Variants in ERBB4 observed in about 807,000 individuals in gnomAD.
The protein encoded by ERBB4 is receptor tyrosine-protein kinase erbB-4.
In ERBB4, 42 loss-of-function variants were observed where a neutral mutation model predicts 158.0. The observed-to-expected ratio is 0.27, with a 90% CI of 0.21 to 0.34. The LOEUF is 0.34. Ranked by LOEUF, ERBB4 falls within the 10% of genes least tolerant of loss-of-function variation. The pLI is 1.00. For synonymous variants in ERBB4, 583 were observed against 558.7 expected, an observed-to-expected ratio of 1.04 and a Z score of -0.61; for missense variants, 1,333 against 1,624.1, an observed-to-expected ratio of 0.82 and a Z score of 3.08.
At chr2:211,397,032 C>T (rs1316955823) in intron 25 of ERBB4, among the ~76,000 whole-genome samples, 2 of 152,156 alleles carry the variant, frequency 1.3e-5, no homozygotes, top group Non-Finnish European at 2.9e-5. Flanking sequence ...ACTGTCCCAT[C>T]AGCCCAGAGC....
chr2:212,508,026 C>T (rs1364754751), intron 1 of ERBB4, among the ~76,000 whole-genome samples: 1 of 152,154 alleles, frequency 6.6e-6, no homozygotes, highest in African/African-American at 2.4e-5. Context: ...CTTCAGCAAC[C>T]ACCACCCTGA....
At chr2:211,911,912 C>A (rs1479395949) in intron 3 of ERBB4, among the ~76,000 whole-genome samples, 2 of 150,444 alleles carry the variant, frequency 1.3e-5, no homozygotes, top group Non-Finnish European at 2.9e-5. Context: ...ACAGTGACAA[C>A]CAAAATGAGT....
chr2:212,345,536 A>C (rs2088956050), intron 1 of ERBB4, among the ~76,000 whole-genome samples: 1 of 152,082 alleles, frequency 6.6e-6, no homozygotes, highest in Non-Finnish European at 1.5e-5. Flanking sequence ...AACTACCTAG[A>C]CTTTAGCTAA....
At chr2:212,529,824 T>C (rs1692653243) in intron 1 of ERBB4, among the ~76,000 whole-genome samples, 1 of 152,110 alleles carries the variant, frequency 6.6e-6, no homozygotes. Flanking sequence ...ACGTATAATT[T>C]AAAGTAAAAC....
At chr2:212,435,246 G>C (rs963363121) in intron 1 of ERBB4, among the ~76,000 whole-genome samples, 1 of 151,904 alleles carries the variant, frequency 6.6e-6, no homozygotes, top group African/African-American at 2.4e-5. Flanking sequence ...ATCCCCAGGA[G>C]AAACCTTCTC....
chr2:212,519,832 TAAAG>T (rs1692053678), intron 1 of ERBB4, among the ~76,000 whole-genome samples: 1 of 151,842 alleles, frequency 6.6e-6, no homozygotes, highest in Non-Finnish European at 1.5e-5. Flanking sequence ...TAGATAGGAA[TAAAG>T]TTCTAGTGTT....
chr2:212,161,393 TA>T (rs2081198254), intron 1 of ERBB4, among the ~76,000 whole-genome samples: 2 of 151,924 alleles, frequency 1.3e-5, no homozygotes, highest in Admixed American at 1.3e-4. Flanking sequence ...TAGACATGAG[TA>T]GCTACCTTGT....
intron 1 of ERBB4, among the ~76,000 whole-genome samples, chr2:212,128,967 G>C (rs1303608370): frequency 6.6e-6 from 1 of 151,888 alleles, no homozygotes; most frequent in Non-Finnish European, 1.5e-5. Flanking sequence ...ATTGCTCCCA[G>C]TAAATTTATA....
At chr2:212,106,587 C>T (rs987345803) in intron 2 of ERBB4, among the ~76,000 whole-genome samples, 5 of 152,232 alleles carry the variant, frequency 3.3e-5, no homozygotes, top group Non-Finnish European at 7.3e-5. Flanking sequence ...TCCAAGCCAG[C>T]TGCAAAAATC....
In ERBB4 at chr2:211,863,071, C is replaced by T. The variant is rs2078106875; in HGVS notation, c.422-74912G>A. ...CATCACTCTGTAAAAACGCACCAATCAGCACTCTGTGTCTAGCTAAAGGAT... is the reference window on the plus strand; with the variant it reads ...CATCACTCTGTAAAAACGCACCAATTAGCACTCTGTGTCTAGCTAAAGGAT... On this transcript the variant is annotated intron_variant, in intron 3 of 27. Coordinates refer to ENST00000342788, the MANE Select transcript of ERBB4 (RefSeq NM_005235.3). Among the ~76,000 whole-genome samples, 3 of 152,180 alleles carry T rather than the reference C, an allele frequency of 2.0e-5. No homozygotes were observed. The South Asian group carries it at 6.2e-4, about 32-fold the overall frequency.
intron 1 of ERBB4, among the ~76,000 whole-genome samples, chr2:212,311,728 A>G (rs1020574618): frequency 6.6e-6 from 1 of 150,982 alleles, no homozygotes; most frequent in Non-Finnish European, 1.5e-5. Context: ...TTTGGAAATA[A>G]AAAAGCTTCT....
At chr2:211,544,392 C>A (rs998621888) in intron 20 of ERBB4, among the ~76,000 whole-genome samples, 1 of 151,976 alleles carries the variant, frequency 6.6e-6, no homozygotes. Flanking sequence ...TGGGTACCAT[C>A]AATCTGAGTT....
In ERBB4 at chr2:211,550,707, A is replaced by AATAT. The variant is rs139062710; in HGVS notation, c.2487+11192_2487+11195dup. 2.0e-3 allele frequency among the ~76,000 whole-genome samples: 281 copies of AATAT among 137,140 alleles called. 1 individual carries two copies. The highest frequency in any genetic ancestry group is 0.015 in the Middle Eastern group (4 of 266). The allele number at this position is 137,140 out of a possible 152,430, so 90.0% of individuals were successfully genotyped here. On this transcript the variant is annotated intron_variant, in intron 20 of 27. Transcript: ENST00000342788. Reference sequence around the variant, plus strand: ...TTCTTAGAATAAGTATATATATAGGAATATATATATATATATATATATATA... The same window carrying AATAT: ...TTCTTAGAATAAGTATATATATAGGAATATATATATATATATATATATATATATA...
At chr2:212,537,539 A>G (rs2106362342) in intron 1 of ERBB4, among the ~76,000 whole-genome samples, 1 of 152,054 alleles carries the variant, frequency 6.6e-6, no homozygotes, top group Non-Finnish European at 1.5e-5. Flanking sequence ...CGAGCTCTCC[A>G]GCAAGCAGTG....
chr2:212,469,162 G>A (rs1688991859), intron 1 of ERBB4, among the ~76,000 whole-genome samples: 1 of 151,934 alleles, frequency 6.6e-6, no homozygotes, highest in Admixed American at 6.6e-5. Flanking sequence ...ATACAGTGAT[G>A]GTATTTTTCA....
intron 20 of ERBB4, among the ~76,000 whole-genome samples, chr2:211,466,289 C>G (rs570659568): frequency 2.2e-4 from 32 of 146,500 alleles, no homozygotes; most frequent in Non-Finnish European, 4.3e-4. Flanking sequence ...TAAAAGGTGT[C>G]TTCCTACTAC....
intron 1 of ERBB4, among the ~76,000 whole-genome samples, chr2:212,278,605 C>T (rs1045817951): frequency 1.3e-5 from 2 of 151,482 alleles, no homozygotes; most frequent in African/African-American, 4.8e-5. Flanking sequence ...CTCTTCTATG[C>T]AAAAGCACAG....
At chr2:212,397,182 AC>A (rs1235591837) in intron 1 of ERBB4, among the ~76,000 whole-genome samples, 4 of 152,152 alleles carry the variant, frequency 2.6e-5, no homozygotes, top group African/African-American at 9.7e-5. Context: ...CTTTTAAAAT[AC>A]ATATTGCTAG....
intron 1 of ERBB4, among the ~76,000 whole-genome samples, chr2:212,454,532 T>G (rs557963242): frequency 4.6e-5 from 7 of 152,350 alleles, no homozygotes; most frequent in Admixed American, 4.6e-4. Context: ...AACTTTTGAT[T>G]TGTGAGCTCC....
Sources: gnomAD v4.1 joint callset for allele counts (sites outside exome capture counted in the v4.1 genomes callset) on GRCh38, gnomAD v4.1.1 for gene constraint, MANE v1.5 for transcripts, NCBI Gene and HGNC (gene_info 2026-07-23, HGNC 2026-07-21) for gene names.